RUVBL1: variants seen among roughly 807,000 people sequenced by gnomAD.
RUVBL1 encodes the protein ruvB-like 1.
Under a neutral mutation model 52.4 loss-of-function variants are expected in RUVBL1, and 4 were observed. That is an observed-to-expected ratio of 0.08 (90% CI 0.04 to 0.17). The LOEUF is 0.17. RUVBL1 is among the 10% of genes least tolerant of loss of function. The probability of loss-of-function intolerance (pLI) is 1.00; values close to 1 mark genes in which losing one functional copy is unlikely to be tolerated. For missense variants in RUVBL1, 298 were observed against 572.8 expected, an observed-to-expected ratio of 0.52 and a Z score of 4.90; for synonymous variants, 217 against 214.4, an observed-to-expected ratio of 1.01 and a Z score of -0.10.
intron 2 of RUVBL1, among the ~76,000 whole-genome samples, chr3:128,114,368 T>C (rs946319023): frequency 8.5e-5 from 13 of 152,194 alleles, no homozygotes; most frequent in African/African-American, 2.9e-4. Flanking sequence ...TAAAATCTGG[T>C]AGAGAATCAG....
At chr3:128,105,206 C>G (rs11719079) in intron 3 of RUVBL1, among the ~76,000 whole-genome samples, 21,303 of 151,308 alleles carry the variant, frequency 0.14, 1,698 homozygotes, top group African/African-American at 0.21. Context: ...TCTGCCTCCC[C>G]GGTTCACTCC....
chr3:128,069,714 G>C (rs753575555), intron 9 of RUVBL1: 1 of 1,533,564 alleles, frequency 6.5e-7, no homozygotes. Flanking sequence ...CCTCGGAAGG[G>C]GAGCTCTCAT....
chr3:128,079,720 G>T (rs1942419930), downstream of RUVBL1, among the ~76,000 whole-genome samples: 1 of 152,180 alleles, frequency 6.6e-6, no homozygotes, highest in Non-Finnish European at 1.5e-5. Flanking sequence ...AGGGACGGCT[G>T]GGGCCTCTCA....
chr3:128,087,822 A>G lies in RUVBL1; in HGVS notation c.1017-14T>C. ...TCCTCAGTGCCTCTGTAAGGGGCAAAATTAATCCCATCACCTAAGCCTCTG... is the reference window on the plus strand; with the variant it reads ...TCCTCAGTGCCTCTGTAAGGGGCAAGATTAATCCCATCACCTAAGCCTCTG... On this transcript the variant is annotated splice_polypyrimidine_tract_variant and intron_variant, in intron 8 of 10. Coordinates refer to ENST00000322623, the MANE Select transcript of RUVBL1 (RefSeq NM_003707.3). 1 of 1,565,266 alleles carries G rather than the reference A, an allele frequency of 6.4e-7. No individual in the cohort carries two copies. The highest frequency in any genetic ancestry group is 8.8e-7 in the Non-Finnish European group (1 of 1,135,614).
At chr3:128,110,135 A>C (rs1266828626) in intron 3 of RUVBL1, among the ~76,000 whole-genome samples, 1 of 152,120 alleles carries the variant, frequency 6.6e-6, no homozygotes, top group Admixed American at 6.5e-5. Context: ...GTTTTTAAAA[A>C]ATTAGCTGGG....
exon 10 of RUVBL1, chr3:128,064,968 C>G: frequency 1.2e-6 from 2 of 1,614,204 alleles, no homozygotes; most frequent in South Asian, 1.1e-5. Context: ...CGTTCTACCG[C>G]CAGAATCTTC....
intron 1 of RUVBL1, among the ~76,000 whole-genome samples, chr3:128,132,246 C>T (rs1450776114): frequency 3.9e-5 from 6 of 152,134 alleles, no homozygotes; most frequent in African/African-American, 1.4e-4. Flanking sequence ...AACTGAGTTC[C>T]GGCCAGCCTC....
chr3:128,140,339 C>T lies in RUVBL1; in HGVS notation c.-40+12864G>A, dbSNP rs140268499. Among the ~76,000 whole-genome samples, 316 of 148,488 alleles carry T rather than the reference C, an allele frequency of 2.1e-3. 1 individual carries two copies. Among genetic ancestry groups the T allele is most frequent in the Non-Finnish European group, 3.5e-3 (234 of 67,134 alleles). ...CTAATAGACCTGAGAACAAAGCTTA[C>T]TCAGGGGTGGGGCTGCTGGCTTTTA... On this transcript the variant is annotated intron_variant, in intron 1 of 9. Transcript: ENST00000464873.
intron 1 of RUVBL1, among the ~76,000 whole-genome samples, chr3:128,130,743 C>T (rs1431028471): frequency 6.6e-6 from 1 of 151,764 alleles, no homozygotes; most frequent in African/African-American, 2.4e-5. Flanking sequence ...CTCCACCTCT[C>T]GAGTTCATGC....
chr3:128,069,414 G>T, intron 9 of RUVBL1: 1 of 1,516,602 alleles, frequency 6.6e-7, no homozygotes, highest in Non-Finnish European at 8.9e-7. Flanking sequence ...TGAGCCTGTT[G>T]GCCGCCTGGC....
At chr3:128,106,515 CTG>C (rs1243222934) in intron 3 of RUVBL1, among the ~76,000 whole-genome samples, 1 of 152,088 alleles carries the variant, frequency 6.6e-6, no homozygotes, top group African/African-American at 2.4e-5. Context: ...CCATGGTGAC[CTG>C]TGTTTCCACT....
chr3:128,093,451 A>C (rs538220277), intron 8 of RUVBL1, among the ~76,000 whole-genome samples: 14 of 151,544 alleles, frequency 9.2e-5, no homozygotes, highest in South Asian at 8.3e-4. Flanking sequence ...AGAAATCACA[A>C]AAAAAAACTG....
At chr3:128,127,945 C>T (rs556938895), upstream of RUVBL1, among the ~76,000 whole-genome samples, 35 of 152,186 alleles carry the variant, frequency 2.3e-4, 1 homozygote, top group South Asian at 6.2e-3. Context: ...TGCAGTGAGC[C>T]GAGATTGCGC....
intron 7 of RUVBL1, among the ~76,000 whole-genome samples, chr3:128,098,053 A>C (rs1056543901): frequency 3.9e-5 from 6 of 152,180 alleles, no homozygotes; most frequent in African/African-American, 1.2e-4. Context: ...TGAGGAATGA[A>C]AGGCTCTGAA....
intron 8 of RUVBL1, among the ~76,000 whole-genome samples, chr3:128,095,212 T>C (rs909365311): frequency 1.3e-5 from 2 of 152,174 alleles, no homozygotes; most frequent in Non-Finnish European, 2.9e-5. Flanking sequence ...GGGATGGGAC[T>C]GAGAGACCTT....
Position 128,081,427 on chromosome 3 carries a change from C to G in RUVBL1, c.1212-18G>C. On this transcript the variant is annotated intron_variant, in intron 10 of 10. Coordinates refer to ENST00000322623, the MANE Select transcript of RUVBL1 (RefSeq NM_003707.3). This position sits in a 1 kb window ranked among gnomAD's most constrained non-coding sequence, Gnocchi z 4.8. The stretch of plus-strand genomic sequence containing the variant: ...CTGAGTACCTAGAGTGGACAGGGGC[C>G]AGGGCTGGAGTGAAACTGGGGCCAC... 1 of 1,605,012 alleles carries G rather than the reference C, an allele frequency of 6.2e-7. No homozygotes were observed.
intron 8 of RUVBL1, among the ~76,000 whole-genome samples, chr3:128,094,723 G>A (rs1559813090): frequency 6.6e-6 from 1 of 152,188 alleles, no homozygotes. Flanking sequence ...TGACACACAG[G>A]AAGCCCTCAG....
rs779649439 is a variant in RUVBL1 at position 128,081,712 on chromosome 3, A to T, written c.1212-303T>A. 24 of 341,582 alleles carry T rather than the reference A, an allele frequency of 7.0e-5. No homozygotes were observed. The highest frequency in any genetic ancestry group is 1.0e-4 in the African/African-American group (5 of 48,900). 21.2% of individuals were successfully genotyped at this position (341,582 alleles called of 1,614,324 possible). A position where few individuals can be genotyped will look rare whatever the true frequency, so the allele number is the denominator to read the frequency against. ...CACTGCTACTGGAAAAGGACTGCAA[A>T]CTTATATGTATACAGGTGTCCGACA... is the stretch of plus-strand genomic sequence containing the variant. On this transcript the variant is annotated intron_variant, in intron 10 of 10. Transcript: ENST00000322623. The surrounding 1 kb of genome is among the most constrained non-coding windows in gnomAD (Gnocchi z 4.8).
At chr3:128,104,710 C>T in intron 4 of RUVBL1, 63 bp downstream of exon 4, 2 of 1,461,588 alleles carry the variant, frequency 1.4e-6, no homozygotes, top group Non-Finnish European at 9.3e-7. Flanking sequence ...GGTTACACCA[C>T]CTGCCCAAAG....
Sources: gnomAD v4.1 joint callset for allele counts (sites outside exome capture counted in the v4.1 genomes callset) on GRCh38, gnomAD v4.1.1 for gene constraint, Gnocchi (gnomAD v3.1) non-coding constraint, MANE v1.5 for transcripts, NCBI Gene and HGNC (gene_info 2026-07-23, HGNC 2026-07-21) for gene names.